DNMBP: variants seen among roughly 807,000 people sequenced by gnomAD.
DNMBP encodes dynamin binding protein.
A neutral mutation model predicts 150.0 loss-of-function variants in DNMBP; 87 were observed. The ratio of observed to expected loss-of-function variants is 0.58; its 90% confidence interval spans 0.49 to 0.69. The LOEUF (loss-of-function observed/expected upper bound fraction) is 0.69. Among genes scored for constraint, DNMBP ranks in the 30% least tolerant of loss-of-function variants. DNMBP has a pLI of 0.00. For synonymous variants in DNMBP, 711 were observed against 750.4 expected (o/e 0.95, Z 0.86); for missense variants, 1,774 against 1,949.0 (o/e 0.91, Z 1.69).
rs115690771 is a variant in DNMBP at position 99,885,718 on chromosome 10, C to T, written c.3767G>A (p.Arg1256His). The change falls in exon 14 of 17, where the codon CGC (arginine) becomes CAC (histidine). Residue 1256 changes from arginine (R) to histidine (H), a missense_variant. Arg to His is a conservative substitution (Grantham distance 29). Transcript: ENST00000324109. ...KKPFERKTID[R>H]QSARKPLLGL... ...CAGGAGTGGCTTTCGAGCAGACTGG[C>T]GGTCAATGGTTTTCCTCTCAAATGG... 16 of 1,582,780 alleles carry T rather than the reference C, an allele frequency of 1.0e-5. No homozygotes were observed. The highest frequency in any genetic ancestry group is 4.5e-5 in the East Asian group (2 of 44,016).
At chr10:99,915,629 C>CACCTGGGCCTTCGAGGTTG (rs1387624766) in intron 4 of DNMBP, among the ~76,000 whole-genome samples, 1 of 152,130 alleles carries the variant, frequency 6.6e-6, no homozygotes, top group African/African-American at 2.4e-5. Context: ...GTGGGAGGAT[C>CACCTGGGCCTTCGAGGTTG]ACCTGGGCCT....
chr10:99,906,331 A>G (rs2039824966), intron 6 of DNMBP, among the ~76,000 whole-genome samples: 1 of 152,042 alleles, frequency 6.6e-6, no homozygotes, highest in Non-Finnish European at 1.5e-5. Context: ...AACTCTTAAA[A>G]CGACACAGGG....
chr10:99,985,431 T>C (rs1450644784), intron 1 of DNMBP, among the ~76,000 whole-genome samples: 2 of 152,116 alleles, frequency 1.3e-5, no homozygotes, highest in African/African-American at 2.4e-5. Flanking sequence ...AAGAACTCAG[T>C]GTCCTTCTTT....
At position 99,886,420 on chromosome 10, in the gene DNMBP, A is replaced by G; in HGVS notation, c.3498T>C (p.Asp1166=). Residue 1166 remains aspartate, a synonymous_variant, in exon 13 of 17, where the codon GAT becomes GAC. Coordinates refer to ENST00000324109, the MANE Select transcript of DNMBP (RefSeq NM_015221.4). ...CGTACTGGTGGAACTTGGGCAGCTC[A>G]TCCAGCAGCTGTGCATTCAGGGCCT... The part of the protein sequence containing the change: ...NYEALNAQLL[D]ELPKFHQYAQ... 6.2e-7 allele frequency: 1 copy of G among 1,614,188 alleles called. No homozygotes were observed. Among genetic ancestry groups the G allele is most frequent in the Non-Finnish European group, 8.5e-7 (1 of 1,180,022 alleles).
rs1473319836 is a variant in DNMBP at position 99,909,136 on chromosome 10, G to A, written c.2271C>T (p.Leu757=). The A allele has an allele frequency of 1.5e-5, 25 of 1,613,006 alleles. No homozygotes were observed. Among genetic ancestry groups the A allele is most frequent in the South Asian group, 3.3e-5 (3 of 90,896 alleles). The change falls in exon 5 of 17, where the codon CTC becomes CTT. Residue 757 remains leucine, a synonymous_variant. Coordinates refer to ENST00000324109, the MANE Select transcript of DNMBP (RefSeq NM_015221.4). ...MELQQLREMT[L]LSSQSSSLVA... ...CCAGTGATGAAGACTGGGAGGAGAGGAGCGTCATTTCTAGAAGGGAAAAGA... is the reference window on the plus strand; with the variant it reads ...CCAGTGATGAAGACTGGGAGGAGAGAAGCGTCATTTCTAGAAGGGAAAAGA...
chr10:99,954,940 C>A (rs1292326421), intron 4 of DNMBP, among the ~76,000 whole-genome samples: 1 of 151,202 alleles, frequency 6.6e-6, no homozygotes, highest in Non-Finnish European at 1.5e-5. Context: ...GCAATCCCAG[C>A]CATTTGGGAG....
At chr10:99,966,196 G>A (rs1047291229) in intron 3 of DNMBP, among the ~76,000 whole-genome samples, 1 of 152,092 alleles carries the variant, frequency 6.6e-6, no homozygotes, top group Non-Finnish European at 1.5e-5. Context: ...AACGTGAAAG[G>A]CATAGAAGGA....
intron 1 of DNMBP, among the ~76,000 whole-genome samples, chr10:99,986,739 A>G (rs547425870): frequency 1.3e-5 from 2 of 152,236 alleles, no homozygotes; most frequent in East Asian, 3.9e-4. Context: ...ATCAAGGCCC[A>G]GAGTATGAGC....
chr10:99,994,624 G>A (rs914708897), intron 1 of DNMBP, among the ~76,000 whole-genome samples: 1 of 152,128 alleles, frequency 6.6e-6, no homozygotes, highest in Non-Finnish European at 1.5e-5. Flanking sequence ...AGACCCACAA[G>A]GATTTGGCAG....
At position 99,899,967 on chromosome 10, in the gene DNMBP, T is replaced by C. The variant is rs879923577; in HGVS notation, c.2654A>G (p.Lys885Arg). 6.2e-7 allele frequency: 1 copy of C among 1,614,034 alleles called. No homozygotes were observed. The highest frequency in any genetic ancestry group is 8.5e-7 in the Non-Finnish European group (1 of 1,180,034). Residue 885 changes from lysine to arginine, a missense_variant, in exon 7 of 17, where the codon AAG becomes AGG. By Grantham distance (26) the Lys-to-Arg change is conservative. Transcript: ENST00000324109. Reference sequence around the variant, plus strand: ...AAGATGCTTCTGGATCTTCTCATCCTTCTCGTAGATTTCAAGCAGCGCAAT... The same window carrying C: ...AAGATGCTTCTGGATCTTCTCATCCCTCTCGTAGATTTCAAGCAGCGCAAT... ...EAIALLEIYE[K>R]DEKIQKHLQD...
At chr10:99,886,253 G>C in intron 13 of DNMBP, 47 bp downstream of exon 13, 1 of 1,493,248 alleles carries the variant, frequency 6.7e-7, no homozygotes. Context: ...AAAAATACCA[G>C]GCAAAGGCTA....
rs749005813 is a variant in DNMBP, at chr10:99,886,492, C to T, written c.3426G>A (p.Lys1142=). The T allele has an allele frequency of 9.3e-6, 15 of 1,614,062 alleles. No individual in the cohort carries two copies. Among genetic ancestry groups the T allele is most frequent in the Non-Finnish European group, 1.3e-5 (15 of 1,180,042 alleles). The change falls in exon 13 of 17, where the codon AAG becomes AAA. Residue 1142 remains lysine, a synonymous_variant. Coordinates refer to ENST00000324109, the MANE Select transcript of DNMBP (RefSeq NM_015221.4). Reference sequence around the variant, plus strand: ...GCAGCTCCTCCAGGGTCTTCTTGTCCTTTAGCTTTTCTGCCCGTTCTGTAC... The same window carrying T: ...GCAGCTCCTCCAGGGTCTTCTTGTCTTTTAGCTTTTCTGCCCGTTCTGTAC... ...YNCTERAEKL[K]DKKTLEELQS... is the part of the protein sequence containing the mutation.
intron 1 of DNMBP, among the ~76,000 whole-genome samples, chr10:99,981,812 G>C (rs1205817448): frequency 6.6e-6 from 1 of 152,146 alleles, no homozygotes; most frequent in Admixed American, 6.5e-5. Context: ...GGGACAGTGA[G>C]ATTGTGATAT....
At chr10:99,975,739 C>T (rs1447587550) in intron 1 of DNMBP, among the ~76,000 whole-genome samples, 1 of 152,222 alleles carries the variant, frequency 6.6e-6, no homozygotes, top group Non-Finnish European at 1.5e-5. Flanking sequence ...CCCAGGTCCA[C>T]AGGCCAGCTC....
intron 5 of DNMBP, 62 bp downstream of exon 5, chr10:99,908,891 T>C: frequency 1.4e-6 from 2 of 1,471,454 alleles, no homozygotes; most frequent in African/African-American, 1.4e-5. Context: ...TCCTATATCC[T>C]AATGCTTCTG....
intron 4 of DNMBP, among the ~76,000 whole-genome samples, chr10:99,952,548 A>C (rs1271738175): frequency 6.6e-6 from 1 of 152,184 alleles, no homozygotes; most frequent in African/African-American, 2.4e-5. Flanking sequence ...TGTTCAGTAC[A>C]AGCAACCCAG....
At position 99,880,332 on chromosome 10, in the gene DNMBP, G is replaced by A. The variant is rs1311756805; in HGVS notation, c.4027C>T (p.Leu1343=). The A allele has an allele frequency of 6.2e-7, 1 of 1,605,318 alleles. No homozygotes were observed. The highest frequency in any genetic ancestry group is 8.5e-7 in the Non-Finnish European group (1 of 1,176,348). ...VTKGFVYSSF[L]KPYNPRRSHS... ...CTGCGGCGAGGATTGTAGGGCTTTAGGAAAGAGCTGTACACGAAGCCTTTG... is the reference window on the plus strand; with the variant it reads ...CTGCGGCGAGGATTGTAGGGCTTTAAGAAAGAGCTGTACACGAAGCCTTTG... The change falls in exon 16 of 17, where the codon CTA becomes TTA. Residue 1343 remains leucine, a synonymous_variant. Transcript: ENST00000324109.
Position 99,894,951 on chromosome 10 carries a change from T to A in DNMBP, c.3151A>T (p.Ile1051Phe). The A allele has an allele frequency of 6.2e-7, 1 of 1,611,954 alleles. No individual in the cohort carries two copies. The highest frequency in any genetic ancestry group is 8.5e-7 in the Non-Finnish European group (1 of 1,178,116). ...ACAGTGATGTTGATGCTCACCCGGA[T>A]GTGCTGGAGGTAGAGAGACAGGTCT... The part of the protein sequence containing the change: ...IRDLSLYLQH[I>F]RESACVKVVA... The change falls in exon 11 of 17, where the codon ATC (isoleucine) becomes TTC (phenylalanine). Residue 1051 changes from isoleucine to phenylalanine, a missense_variant. Around this residue, in one of 2 missense-constraint regions of DNMBP, gnomAD observed 1,430 missense variants for 1,492.5 expected, o/e 0.96. Transcript: ENST00000324109.
In DNMBP at chr10:99,886,314, T is replaced by G; in HGVS notation, c.3604A>C (p.Lys1202Gln). The change falls in exon 13 of 17, where the codon AAG becomes CAG. Residue 1202 changes from lysine (K) to glutamine (Q), a missense_variant. Coordinates refer to ENST00000324109, the MANE Select transcript of DNMBP (RefSeq NM_015221.4). ...DFVHQALEQL[K>Q]PLLSLLKVAG... Reference sequence around the variant, plus strand: ...AAGAAACTCACCGAAAGCAGTGGCTTTAATTGCTCCAGAGCCTGGTGCACA... The same window carrying G: ...AAGAAACTCACCGAAAGCAGTGGCTGTAATTGCTCCAGAGCCTGGTGCACA... The G allele has an allele frequency of 1.2e-6, 2 of 1,612,306 alleles. No homozygotes were observed. The highest frequency in any genetic ancestry group is 1.7e-6 in the Non-Finnish European group (2 of 1,178,454).
Sources: gnomAD v4.1 joint callset for allele counts (sites outside exome capture counted in the v4.1 genomes callset) on GRCh38, gnomAD v4.1.1 for gene constraint, gnomAD v4.1.1 regional missense constraint, MANE v1.5 for transcripts, NCBI Gene and HGNC (gene_info 2026-07-23, HGNC 2026-07-21) for gene names.